MTUS2: variants seen among roughly 807,000 people sequenced by gnomAD.
MTUS2 encodes microtubule-associated tumor suppressor candidate 2.
A neutral mutation model predicts 114.1 loss-of-function variants in MTUS2; 40 were observed. That is an observed-to-expected ratio of 0.35 (90% CI 0.27 to 0.46). The LOEUF (loss-of-function observed/expected upper bound fraction) is 0.46, where lower values mean the gene tolerates loss of function less well. MTUS2 is among the 20% of genes least tolerant of loss of function. MTUS2 has a pLI of 1.00. For missense variants in MTUS2, 1,679 were observed against 1,705.4 expected, an observed-to-expected ratio of 0.98 and a Z score of 0.27; for synonymous variants, 688 against 672.0, an observed-to-expected ratio of 1.02 and a Z score of -0.37.
chr13:29,463,196 G>A, intron 9 of MTUS2, among the ~76,000 whole-genome samples: 1 of 152,126 alleles, frequency 6.6e-6, no homozygotes, highest in East Asian at 1.9e-4. Context: ...GAAAAGGGGA[G>A]GATATGTATT....
At chr13:29,125,782 A>C (rs1462734784) in intron 5 of MTUS2, among the ~76,000 whole-genome samples, 3 of 152,218 alleles carry the variant, frequency 2.0e-5, no homozygotes, top group Non-Finnish European at 4.4e-5. Flanking sequence ...CTTTTTGGTT[A>C]AACTTAGCAA....
chr13:29,331,966 T>G (rs1900799452), intron 7 of MTUS2, among the ~76,000 whole-genome samples: 1 of 152,192 alleles, frequency 6.6e-6, no homozygotes, highest in Admixed American at 6.5e-5. Flanking sequence ...TTTGCCAGTA[T>G]TTTATTGAGG....
At chr13:29,283,114 G>C (rs924799369) in intron 6 of MTUS2, among the ~76,000 whole-genome samples, 13 of 152,188 alleles carry the variant, frequency 8.5e-5, no homozygotes, top group Non-Finnish European at 1.5e-5. Context: ...CCATATCCCT[G>C]CTAGGAATAG....
intron 4 of MTUS2, among the ~76,000 whole-genome samples, chr13:29,051,178 A>G (rs1368630726): frequency 6.6e-6 from 1 of 152,124 alleles, no homozygotes; most frequent in Non-Finnish European, 1.5e-5. Context: ...AGCTGGGAGG[A>G]TGGAAGGAGA....
At chr13:29,475,914 A>G (rs1264415129) in intron 9 of MTUS2, among the ~76,000 whole-genome samples, 1 of 152,196 alleles carries the variant, frequency 6.6e-6, no homozygotes, top group African/African-American at 2.4e-5. Flanking sequence ...TCTAAAGTCT[A>G]TAGTAGTGTA....
chr13:29,300,559 G>T (rs1566117636), intron 6 of MTUS2, among the ~76,000 whole-genome samples: 1 of 152,094 alleles, frequency 6.6e-6, no homozygotes, highest in Non-Finnish European at 1.5e-5. Context: ...CTTAGTATGA[G>T]GAGCATGAAA....
At chr13:28,964,970 G>A (rs181837329) in intron 2 of MTUS2, among the ~76,000 whole-genome samples, 16 of 152,022 alleles carry the variant, frequency 1.1e-4, no homozygotes, top group Admixed American at 3.3e-4. Flanking sequence ...AGAAACATGC[G>A]GTTTGTGTGC....
At chr13:28,874,638 A>G (rs1246653592) in intron 2 of MTUS2, among the ~76,000 whole-genome samples, 1 of 152,108 alleles carries the variant, frequency 6.6e-6, no homozygotes, top group African/African-American at 2.4e-5. Flanking sequence ...CTCCCCAGAG[A>G]GCAAACCGTC....
chr13:28,938,521 G>A (rs780217918), intron 2 of MTUS2, among the ~76,000 whole-genome samples: 1 of 151,828 alleles, frequency 6.6e-6, no homozygotes, highest in Non-Finnish European at 1.5e-5. Flanking sequence ...GATATATACT[G>A]CAAAGAAGGT....
chr13:29,383,236 G>A (rs1872356404), intron 8 of MTUS2, among the ~76,000 whole-genome samples: 1 of 23,872 alleles, frequency 4.2e-5, no homozygotes, highest in African/African-American at 8.0e-5. Context: ...GTGTGTGTGT[G>A]TGTGTGTGTG....
chr13:29,223,452 A>G (rs1895986590), intron 5 of MTUS2, among the ~76,000 whole-genome samples: 1 of 152,088 alleles, frequency 6.6e-6, no homozygotes, highest in Non-Finnish European at 1.5e-5. Flanking sequence ...CTTCAGGACA[A>G]CCTGCCCGTG....
intron 9 of MTUS2, among the ~76,000 whole-genome samples, chr13:29,467,418 G>A (rs987420000): frequency 2.6e-5 from 4 of 152,134 alleles, no homozygotes; most frequent in Non-Finnish European, 5.9e-5. Context: ...CAATCACAGG[G>A]AGCTATTATC....
intron 11 of MTUS2, among the ~76,000 whole-genome samples, chr13:29,491,692 G>T (rs115764024): frequency 0.029 from 3,960 of 137,820 alleles, 153 homozygotes; most frequent in African/African-American, 0.096. Context: ...TGTGTGTGGA[G>T]TGTGGTGTAT....
chr13:29,503,109 C>T lies in MTUS2; in HGVS notation c.4013C>T (p.Pro1338Leu), dbSNP rs747610962. The T allele has an allele frequency of 5.0e-6, 8 of 1,614,216 alleles. 1 individual carries two copies. In the East Asian group the frequency reaches 1.6e-4, roughly 31 times the overall value. Residue 1338 changes from proline (P) to leucine (L), a missense_variant, in exon 16 of 16, where the codon CCG becomes CTG. Physicochemically the swap from Pro to Leu is moderately conservative, Grantham distance 98. This residue lies in a region of MTUS2 where 822 missense variants were observed against 899.7 expected (regional missense o/e 0.91). Coordinates refer to ENST00000612955, the MANE Select transcript of MTUS2 (RefSeq NM_001033602.4). ...CTTTGGAAGCTCCAAACTGGGGACCCGACCAGTCCGATTAAACTCTCGCCC... is the reference window on the plus strand; with the variant it reads ...CTTTGGAAGCTCCAAACTGGGGACCTGACCAGTCCGATTAAACTCTCGCCC... ...ELLWKLQTGD[P>L]TSPIKLSPTS...
At chr13:28,980,665 A>T (rs184649576) in intron 2 of MTUS2, among the ~76,000 whole-genome samples, 17 of 152,322 alleles carry the variant, frequency 1.1e-4, no homozygotes, top group African/African-American at 4.1e-4. Flanking sequence ...GATATTTTAT[A>T]TGCATGTATA....
At chr13:28,858,761 G>C (rs757471427) in intron 2 of MTUS2, among the ~76,000 whole-genome samples, 3 of 152,126 alleles carry the variant, frequency 2.0e-5, no homozygotes, top group African/African-American at 7.2e-5. Context: ...TATGTTTGTC[G>C]GGGAGCTTCC....
chr13:29,472,364 C>A (rs1286660102), intron 9 of MTUS2, among the ~76,000 whole-genome samples: 1 of 152,164 alleles, frequency 6.6e-6, no homozygotes, highest in Non-Finnish European at 1.5e-5. Flanking sequence ...CCGTTCCTTT[C>A]TCACTTCTTA....
intron 7 of MTUS2, among the ~76,000 whole-genome samples, chr13:29,330,382 G>T (rs1900720374): frequency 6.6e-6 from 1 of 152,180 alleles, no homozygotes; most frequent in South Asian, 2.1e-4. Flanking sequence ...CCATTCTGTT[G>T]GTTGCCTGTT....
chr13:29,307,405 C>A, intron 6 of MTUS2: 1 of 1,075,702 alleles, frequency 9.3e-7, no homozygotes, highest in South Asian at 1.3e-5. Context: ...CATCCCTGCC[C>A]CTAGTGACGC....
Sources: allele counts gnomAD v4.1 joint callset (sites outside exome capture counted in the v4.1 genomes callset), GRCh38; gene constraint gnomAD v4.1.1; regional missense constraint gnomAD v4.1.1; transcripts MANE v1.5; gene names NCBI Gene and HGNC (gene_info 2026-07-23, HGNC 2026-07-21).